Variants in PLEKHA5 observed in about 807,000 individuals in gnomAD.
PLEKHA5 encodes the protein pleckstrin homology domain containing A5.
A neutral mutation model predicts 181.9 loss-of-function variants in PLEKHA5; 55 were observed. That is an observed-to-expected ratio of 0.30 (90% CI 0.24 to 0.38). The LOEUF (loss-of-function observed/expected upper bound fraction) is 0.38, where lower values mean the gene tolerates loss of function less well. Among genes scored for constraint, PLEKHA5 ranks in the 10% least tolerant of loss-of-function variants. The probability of loss-of-function intolerance (pLI) is 1.00; values close to 1 mark genes in which losing one functional copy is unlikely to be tolerated. For synonymous variants in PLEKHA5, 535 were observed against 529.4 expected, an observed-to-expected ratio of 1.01 and a Z score of -0.15; for missense variants, 1,432 against 1,549.5, an observed-to-expected ratio of 0.92 and a Z score of 1.27.
At chr12:19,297,082 G>A (rs1291361591) in intron 15 of PLEKHA5, among the ~76,000 whole-genome samples, 3 of 152,080 alleles carry the variant, frequency 2.0e-5, no homozygotes, top group Non-Finnish European at 4.4e-5. Flanking sequence ...CTGTGACTAC[G>A]AAGTATGTAG....
At chr12:19,212,822 GT>G (rs1161426017) in intron 3 of PLEKHA5, among the ~76,000 whole-genome samples, 8 of 118,684 alleles carry the variant, frequency 6.7e-5, no homozygotes, top group South Asian at 3.2e-4. Flanking sequence ...ATGAGAGTGG[GT>G]TTTTTTTTGT....
intron 3 of PLEKHA5, among the ~76,000 whole-genome samples, chr12:19,196,063 G>A (rs1012478390): frequency 1.3e-5 from 2 of 152,008 alleles, no homozygotes; most frequent in African/African-American, 4.8e-5. Flanking sequence ...CAATAGTTAT[G>A]TTTTTTTCCA....
chr12:19,306,359 C>T, intron 15 of PLEKHA5: 1 of 467,740 alleles, frequency 2.1e-6, no homozygotes. Flanking sequence ...CTCGTGCTCT[C>T]CAACTAGCGT....
intron 21 of PLEKHA5, among the ~76,000 whole-genome samples, chr12:19,341,004 G>T (rs1036580510): frequency 2.6e-5 from 4 of 151,968 alleles, no homozygotes; most frequent in Non-Finnish European, 5.9e-5. Context: ...GGGCACAGTG[G>T]CGTATGCCTG....
At chr12:19,131,660 TTA>T (rs1402826446) in intron 2 of PLEKHA5, among the ~76,000 whole-genome samples, 1 of 152,184 alleles carries the variant, frequency 6.6e-6, no homozygotes, top group Non-Finnish European at 1.5e-5. Context: ...TTTTATTCTT[TTA>T]TGTGATTTCA....
intron 3 of PLEKHA5, among the ~76,000 whole-genome samples, chr12:19,164,741 G>A (rs778318556): frequency 6.6e-6 from 1 of 152,040 alleles, no homozygotes; most frequent in South Asian, 2.1e-4. Context: ...GCTTATTCTC[G>A]ATATCTGTTC....
At chr12:19,157,128 G>A (rs902283136) in intron 3 of PLEKHA5, among the ~76,000 whole-genome samples, 6 of 69,940 alleles carry the variant, frequency 8.6e-5, no homozygotes, top group African/African-American at 1.4e-4. Context: ...ACACACACAC[G>A]GAGCTGTATA....
At chr12:19,229,127 CAGAGA>C (rs1203837031) in intron 3 of PLEKHA5, among the ~76,000 whole-genome samples, 2 of 152,134 alleles carry the variant, frequency 1.3e-5, no homozygotes, top group African/African-American at 4.8e-5. Context: ...TCACTCATAG[CAGAGA>C]AATGTTTAGT....
chr12:19,310,754 CA>C (rs2086190609), intron 15 of PLEKHA5, among the ~76,000 whole-genome samples: 1 of 152,172 alleles, frequency 6.6e-6, no homozygotes, highest in Admixed American at 6.5e-5. Flanking sequence ...CCCATCTCCA[CA>C]AAAATTAGCT....
intron 6 of PLEKHA5, among the ~76,000 whole-genome samples, chr12:19,259,894 C>T (rs568681566): frequency 6.7e-6 from 1 of 149,534 alleles, no homozygotes; most frequent in Non-Finnish European, 1.5e-5. Flanking sequence ...ATTCTGAAGT[C>T]ATTACTCACA....
chr12:19,348,724 C>T (rs1592587990), intron 25 of PLEKHA5, among the ~76,000 whole-genome samples: 2 of 152,146 alleles, frequency 1.3e-5, no homozygotes, highest in East Asian at 3.9e-4. Flanking sequence ...TATGTCATCT[C>T]AGCTAGGTAT....
intron 3 of PLEKHA5, among the ~76,000 whole-genome samples, chr12:19,198,232 A>T (rs2053391674): frequency 6.6e-6 from 1 of 152,230 alleles, no homozygotes. Flanking sequence ...AAAGTTCATT[A>T]TCTGACTTGT....
intron 25 of PLEKHA5, among the ~76,000 whole-genome samples, chr12:19,350,955 CT>C (rs35006570): frequency 0.11 from 12,806 of 112,286 alleles, 301 homozygotes; most frequent in East Asian, 0.22. Context: ...TATTCAAAGT[CT>C]TTTTTTTTTT....
At chr12:19,263,461 T>C (rs2069215635) in intron 7 of PLEKHA5, among the ~76,000 whole-genome samples, 1 of 152,228 alleles carries the variant, frequency 6.6e-6, no homozygotes, top group Non-Finnish European at 1.5e-5. Context: ...ACTTAAATGC[T>C]GAGGGCAGTG....
intron 20 of PLEKHA5, among the ~76,000 whole-genome samples, chr12:19,326,203 A>G (rs1038549389): frequency 3.9e-5 from 6 of 152,176 alleles, no homozygotes; most frequent in Non-Finnish European, 8.8e-5. Flanking sequence ...GTCTTATTGC[A>G]TAGAATACAA....
intron 3 of PLEKHA5, among the ~76,000 whole-genome samples, chr12:19,252,650 T>G (rs1413772460): frequency 6.6e-6 from 1 of 152,144 alleles, no homozygotes; most frequent in African/African-American, 2.4e-5. Flanking sequence ...TCAGTAAATA[T>G]AACAGATTTT....
At chr12:19,369,623 C>A in intron 30 of PLEKHA5, 70 bp from the exon 31 acceptor site, 1 of 832,086 alleles carries the variant, frequency 1.2e-6, no homozygotes, top group Non-Finnish European at 2.0e-6. Context: ...GGGATTACAG[C>A]ATCAGGATTT....
At chr12:19,188,003 T>C (rs1188974416) in intron 3 of PLEKHA5, among the ~76,000 whole-genome samples, 1 of 152,186 alleles carries the variant, frequency 6.6e-6, no homozygotes, top group South Asian at 2.1e-4. Flanking sequence ...ACTTACATAT[T>C]TGTGTTTTTT....
At chr12:19,252,437 A>G (rs1349089289) in intron 3 of PLEKHA5, among the ~76,000 whole-genome samples, 2 of 152,182 alleles carry the variant, frequency 1.3e-5, no homozygotes, top group East Asian at 3.9e-4. Flanking sequence ...ATTATTATAG[A>G]CTATTTAATA....
Sources: gnomAD v4.1 joint callset for allele counts (sites outside exome capture counted in the v4.1 genomes callset) on GRCh38, gnomAD v4.1.1 for gene constraint, MANE v1.5 for transcripts, NCBI Gene and HGNC (gene_info 2026-07-23, HGNC 2026-07-21) for gene names.